MPO: variants seen among roughly 807,000 people sequenced by gnomAD.
MPO encodes myeloperoxidase.
Under a neutral mutation model 69.4 loss-of-function variants are expected in MPO, and 57 were observed. That is an observed-to-expected ratio of 0.82 (90% CI 0.66 to 1.02). The LOEUF is 1.02. Among genes scored for constraint, MPO ranks in the 50% least tolerant of loss-of-function variants. The pLI is 0.00. For missense variants in MPO, 971 were observed against 1,014.1 expected, an observed-to-expected ratio of 0.96 and a Z score of 0.58; for synonymous variants, 426 against 417.1, an observed-to-expected ratio of 1.02 and a Z score of -0.26.
chr17:58,271,813 C>T lies in MPO; in HGVS notation c.1872G>A (p.Leu624=), dbSNP rs141825847. 8 of 1,614,228 alleles carry T rather than the reference C, an allele frequency of 5.0e-6. No homozygotes were observed. In the African/African-American group the frequency reaches 9.3e-5, roughly 19 times the overall value. Residue 624 remains leucine, a synonymous_variant, in exon 11 of 12, where the codon CTG becomes CTA. Coordinates refer to ENST00000225275, the MANE Select transcript of MPO (RefSeq NM_000250.2). ...VGQLGTVLRN[L]KLARKLMEQY... ...GCTCCATCAGTTTCCTCGCCAATTTCAGGTTCCTCAGCACCGTGCCCAGCT... is the reference window on the plus strand; with the variant it reads ...GCTCCATCAGTTTCCTCGCCAATTTTAGGTTCCTCAGCACCGTGCCCAGCT...
In MPO at chr17:58,270,560, G is replaced by T; in HGVS notation, c.*96C>A. On this transcript the variant is annotated 3_prime_UTR_variant, in exon 12 of 12. Transcript: ENST00000225275. This position sits in a 1 kb window ranked among gnomAD's most constrained non-coding sequence, Gnocchi z 4.1. ...TCACTCATTTTCTCAGCTGCACCCA[G>T]AACAGGGCTGGGCTCATCTAGGGCA... 1 of 1,010,430 alleles carries T rather than the reference G, an allele frequency of 9.9e-7. No homozygotes were observed. The highest frequency in any genetic ancestry group is 1.5e-6 in the Non-Finnish European group (1 of 654,862). 62.6% of individuals were successfully genotyped at this position (1,010,430 alleles called of 1,614,324 possible).
rs200618562 is a variant in MPO at position 58,272,904 on chromosome 17, T to C, written c.1636A>G (p.Ile546Val). 1.2e-6 allele frequency: 2 copies of C among 1,614,060 alleles called. No homozygotes were observed. Among genetic ancestry groups the C allele is most frequent in the East Asian group, 2.2e-5 (1 of 44,872 alleles). The change falls in exon 10 of 12, where the codon ATC becomes GTC. Residue 546 changes from isoleucine (I) to valine (V), a missense_variant. Physicochemically the swap from Ile to Val is conservative, Grantham distance 29 (BLOSUM62 3). Coordinates refer to ENST00000225275, the MANE Select transcript of MPO (RefSeq NM_000250.2). ...RVVLEGGIDP[I>V]LRGLMATPAK... ...GGGGTGGCCATGAGGCCCCGGAGGA[T>C]GGGGTCAATGCCACCTGGGGACCAG...
rs1338002864 is a variant in MPO, at chr17:58,275,031, A to G, written c.1365+511T>C. Among the ~76,000 whole-genome samples, 2 of 151,334 alleles carry G rather than the reference A, an allele frequency of 1.3e-5. No individual in the cohort carries two copies. The highest frequency in any genetic ancestry group is 2.9e-5 in the Non-Finnish European group (2 of 67,820). On this transcript the variant is annotated intron_variant, in intron 8 of 11. Transcript: ENST00000225275. The surrounding 1 kb of genome is among the most constrained non-coding windows in gnomAD (Gnocchi z 4.1). ...AGGTGCCCGCCACCACGCCCGGCTA[A>G]TTTTTGTATTTTTAGTAGAGATGGG...
chr17:58,277,220 G>A (rs1427558587), intron 7 of MPO, among the ~76,000 whole-genome samples: 1 of 152,084 alleles, frequency 6.6e-6, no homozygotes, highest in African/African-American at 2.4e-5. Context: ...TCTTATTATG[G>A]GTAATTAAGA....
chr17:58,271,288 A>G (rs1045188595), intron 11 of MPO, among the ~76,000 whole-genome samples: 2 of 152,154 alleles, frequency 1.3e-5, no homozygotes, highest in Admixed American at 1.3e-4. Context: ...AGAACTAGAC[A>G]TGAAGACATC....
At position 58,275,135 on chromosome 17, in the gene MPO, T is replaced by C. The variant is rs138472908; in HGVS notation, c.1365+407A>G. Among the ~76,000 whole-genome samples, 590 of 152,222 alleles carry C rather than the reference T, an allele frequency of 3.9e-3. 5 individuals carry two copies. The highest frequency in any genetic ancestry group is 0.013 in the African/African-American group (558 of 41,542). On this transcript the variant is annotated intron_variant, in intron 8 of 11. Transcript: ENST00000225275. This position sits in a 1 kb window ranked among gnomAD's most constrained non-coding sequence, Gnocchi z 4.1. ...GCCTCCGCCTCCCAAAGTGCTGGGA[T>C]TACAGGCATGAGCCACCGCGCCCAG...
Position 58,279,515 on chromosome 17 carries a change from A to T in MPO, c.548+8T>A. On this transcript the variant is annotated splice_region_variant and intron_variant, in intron 4 of 11. Coordinates refer to ENST00000225275, the MANE Select transcript of MPO (RefSeq NM_000250.2). ...CCGGTTCCTGCAGCCACCCCCAGCC[A>T]GCCGCACCTGTTGTTGCACATCCCG... 1 of 1,613,858 alleles carries T rather than the reference A, an allele frequency of 6.2e-7. No homozygotes were observed. The highest frequency in any genetic ancestry group is 8.5e-7 in the Non-Finnish European group (1 of 1,179,984).
rs749102851 is a variant in MPO at position 58,279,110 on chromosome 17, G to T, written c.783C>A (p.His261Gln). ...CCGGCTCAGGGGTGAAGTCGAGGTC[G>T]TGGTCCAACAGCTGGCCCCATTGCA... ...MFMQWGQLLD[H>Q]DLDFTPEPAA... Residue 261 changes from histidine to glutamine, a missense_variant, in exon 6 of 12, where the codon CAC becomes CAA. Transcript: ENST00000225275. The T allele has an allele frequency of 7.4e-6, 12 of 1,612,904 alleles. No individual in the cohort carries two copies. In the East Asian group the frequency reaches 2.7e-4, roughly 36 times the overall value.
In MPO at chr17:58,279,644, C is replaced by T; in HGVS notation, c.427G>A (p.Val143Met). ...ACATTCAGCTGGGCGGGCGTCAGCA[C>T]ATCTGCCGGGGGAAAGAACAATGGG... ...LWRRPFNVTD[V>M]LTPAQLNVLS... is the part of the protein sequence containing the mutation. Residue 143 changes from valine (V) to methionine (M), a missense_variant and splice_region_variant, in exon 4 of 12, where the codon GTG becomes ATG. Val to Met is a conservative substitution (Grantham distance 21). Transcript: ENST00000225275. 6.2e-7 allele frequency: 1 copy of T among 1,614,138 alleles called. No homozygotes were observed. The highest frequency in any genetic ancestry group is 1.7e-5 in the Admixed American group (1 of 60,032).
rs371237914 is a variant in MPO, at chr17:58,280,671, G to A, written c.88C>T (p.Leu30Phe). ...GCCAGGAGCCCTGCTAGGGCCAGAA[G>A]CAGCTTCATCTCTGCAGTGAGACCC... ...AGGLTAEMKL[L>F]LALAGLLAIL... Residue 30 changes from leucine (L) to phenylalanine (F), a missense_variant, in exon 1 of 12, where the codon CTT (leucine) becomes TTT (phenylalanine). Coordinates refer to ENST00000225275, the MANE Select transcript of MPO (RefSeq NM_000250.2). The A allele has an allele frequency of 1.5e-5, 25 of 1,614,126 alleles. No homozygotes were observed. The highest frequency in any genetic ancestry group is 9.3e-5 in the African/African-American group (7 of 74,938).
rs1042457586 is a variant in MPO, at chr17:58,270,872, G to A, written c.2031-9C>T. 16 of 1,612,724 alleles carry A rather than the reference G, an allele frequency of 9.9e-6. No individual in the cohort carries two copies. Among genetic ancestry groups the A allele is most frequent in the East Asian group, 2.2e-5 (1 of 44,882 alleles). On this transcript the variant is annotated splice_polypyrimidine_tract_variant and intron_variant, in intron 11 of 11. Coordinates refer to ENST00000225275, the MANE Select transcript of MPO (RefSeq NM_000250.2). The surrounding 1 kb of genome is among the most constrained non-coding windows in gnomAD (Gnocchi z 4.1). ...CGTTCTCCCACCAAAACCTGCATGGGGAACACCCATGGACACTGTGCCCAA... is the reference window on the plus strand; with the variant it reads ...CGTTCTCCCACCAAAACCTGCATGGAGAACACCCATGGACACTGTGCCCAA...
At chr17:58,277,619 G>A in intron 7 of MPO, 1 of 699,106 alleles carries the variant, frequency 1.4e-6, no homozygotes, top group Non-Finnish European at 2.4e-6. Context: ...TCCATCTTAG[G>A]GTTGGAGAGG....
chr17:58,277,741 C>A (rs956949987), intron 7 of MPO, 86 bp downstream of exon 7: 3 of 1,575,776 alleles, frequency 1.9e-6, no homozygotes, highest in Non-Finnish European at 2.6e-6. Context: ...TAAGTACAAA[C>A]CCACAAGCTG....
In MPO at chr17:58,280,610, G is replaced by C. The variant is rs747046800; in HGVS notation, c.149C>G (p.Ala50Gly). ...CCCACCTTGGGAACTGTTACCTGGA[G>C]CAGCACCTTCAGAGGGCTGGGGCGT... ...LATPQPSEGA[A>G]PAVLGEVDTS... Residue 50 changes from alanine (A) to glycine (G), a missense_variant, in exon 1 of 12, where the codon GCT becomes GGT. By Grantham distance (60) the Ala-to-Gly change is moderately conservative. Coordinates refer to ENST00000225275, the MANE Select transcript of MPO (RefSeq NM_000250.2). 3.7e-6 allele frequency: 6 copies of C among 1,614,110 alleles called. No individual in the cohort carries two copies. The South Asian group carries it at 5.5e-5, about 15-fold the overall frequency.
Position 58,270,544 on chromosome 17 carries a change from T to G in MPO, c.*112A>C. 1.1e-6 allele frequency: 1 copy of G among 907,296 alleles called. No homozygotes were observed. The highest frequency in any genetic ancestry group is 1.8e-6 in the Non-Finnish European group (1 of 561,560). The allele number at this position is 907,296 out of a possible 1,614,324, so 56.2% of individuals were successfully genotyped here. On this transcript the variant is annotated 3_prime_UTR_variant, in exon 12 of 12. Transcript: ENST00000225275. The surrounding 1 kb of genome is among the most constrained non-coding windows in gnomAD (Gnocchi z 4.1). ...ACAAATGAACGTCTAGTCACTCATT[T>G]TCTCAGCTGCACCCAGAACAGGGCT...
Position 58,278,108 on chromosome 17 carries a change from T to C in MPO, c.923A>G (p.Asp308Gly). The change falls in exon 7 of 12, where the codon GAC becomes GGC. Residue 308 changes from aspartate to glycine, a missense_variant. Asp to Gly is a moderately conservative substitution (Grantham distance 94). Transcript: ENST00000225275. ...GCAGGAGCGGAAGAACGGGATGCAGTCGGCTTGGTTCTTGATGCGGGGGTC... is the reference window on the plus strand; with the variant it reads ...GCAGGAGCGGAAGAACGGGATGCAGCCGGCTTGGTTCTTGATGCGGGGGTC... ...PNDPRIKNQADCIPFFRSCPA... is the reference protein window; with the variant it reads ...PNDPRIKNQAGCIPFFRSCPA... 6.2e-7 allele frequency: 1 copy of C among 1,605,394 alleles called. No homozygotes were observed. Among genetic ancestry groups the C allele is most frequent in the Non-Finnish European group, 8.5e-7 (1 of 1,179,942 alleles).
intron 2 of MPO, 130 bp downstream of exon 2, chr17:58,280,236 C>T: frequency 9.3e-7 from 1 of 1,070,304 alleles, no homozygotes; most frequent in Non-Finnish European, 1.4e-6. Flanking sequence ...CAGGGACAGA[C>T]AGACAGAAAG....
rs536672956 is a variant in MPO, at chr17:58,270,110, G to A, written c.*546C>T. On this transcript the variant is annotated 3_prime_UTR_variant, in exon 12 of 12. Transcript: ENST00000225275. This position sits in a 1 kb window ranked among gnomAD's most constrained non-coding sequence, Gnocchi z 4.1. ...AGCTCTGCTAACCAGGACACAGATGGCATCTTGGTATCTCTTTCTTGCCTC... is the reference window on the plus strand; with the variant it reads ...AGCTCTGCTAACCAGGACACAGATGACATCTTGGTATCTCTTTCTTGCCTC... 8 of 185,538 alleles carry A rather than the reference G, an allele frequency of 4.3e-5. No homozygotes were observed. The East Asian group carries it at 1.1e-3, about 25-fold the overall frequency. 11.5% of individuals were successfully genotyped at this position (185,538 alleles called of 1,614,324 possible).
intron 6 of MPO, among the ~76,000 whole-genome samples, chr17:58,278,384 C>A (rs1302560761): frequency 6.6e-6 from 1 of 152,140 alleles, no homozygotes; most frequent in Non-Finnish European, 1.5e-5. Flanking sequence ...ACCGCCAGGC[C>A]TCGGATCCCT....
Sources: allele counts gnomAD v4.1 joint callset (sites outside exome capture counted in the v4.1 genomes callset), GRCh38; gene constraint gnomAD v4.1.1; non-coding constraint Gnocchi (gnomAD v3.1); transcripts MANE v1.5; gene names NCBI Gene and HGNC (gene_info 2026-07-23, HGNC 2026-07-21).